Variants in LDB2 observed in about 807,000 individuals in gnomAD.
LDB2 encodes LIM domain binding 2, also known as LIM domain-binding protein 2.
In LDB2, 12 loss-of-function variants were observed where a neutral mutation model predicts 44.3. The ratio of observed to expected loss-of-function variants is 0.27; its 90% CI spans 0.17 to 0.44. The LOEUF (loss-of-function observed/expected upper bound fraction) is 0.44, where lower values mean the gene tolerates loss of function less well. LDB2 is among the 20% of genes least tolerant of loss of function. The pLI, the probability that LDB2 is intolerant of heterozygous loss-of-function variation, is 1.00. For synonymous variants in LDB2, 164 were observed against 174.8 expected, an observed-to-expected ratio of 0.94 and a Z score of 0.49; for missense variants, 344 against 473.5, an observed-to-expected ratio of 0.73 and a Z score of 2.54.
At chr4:16,871,958 C>A (rs11735674) in intron 1 of LDB2, among the ~76,000 whole-genome samples, 31,175 of 152,102 alleles carry the variant, frequency 0.2, 3,815 homozygotes, top group South Asian at 0.4. Context: ...ATGAAAATTA[C>A]ATTTGGGCTA....
At chr4:16,546,964 T>A (rs1735986731) in intron 5 of LDB2, among the ~76,000 whole-genome samples, 1 of 152,202 alleles carries the variant, frequency 6.6e-6, no homozygotes, top group Admixed American at 6.5e-5. Flanking sequence ...TTGTCCATTG[T>A]GGTGGGTTGA....
At chr4:16,853,357 A>G (rs1788656897) in intron 1 of LDB2, among the ~76,000 whole-genome samples, 2 of 152,198 alleles carry the variant, frequency 1.3e-5, no homozygotes, top group Admixed American at 1.3e-4. Context: ...AGAGACACAA[A>G]AATGGTCAAT....
intron 2 of LDB2, among the ~76,000 whole-genome samples, chr4:16,732,811 G>T (rs181311388): frequency 6.6e-6 from 1 of 152,196 alleles, no homozygotes; most frequent in Non-Finnish European, 1.5e-5. Context: ...TCTGAAAAGA[G>T]TTTTGGCAAC....
At chr4:16,816,272 C>A (rs1415782288) in intron 1 of LDB2, among the ~76,000 whole-genome samples, 1 of 152,100 alleles carries the variant, frequency 6.6e-6, no homozygotes, top group Non-Finnish European at 1.5e-5. Context: ...GTGTGGATAT[C>A]CATGGTATTA....
intron 5 of LDB2, among the ~76,000 whole-genome samples, chr4:16,548,055 T>TGAGAA (rs1736386101): frequency 6.6e-6 from 1 of 151,778 alleles, no homozygotes; most frequent in Non-Finnish European, 1.5e-5. Flanking sequence ...GCCTCCCAGG[T>TGAGAA]TCAAGGGATT....
intron 1 of LDB2, among the ~76,000 whole-genome samples, chr4:16,808,590 A>C (rs1779216365): frequency 6.6e-6 from 1 of 152,170 alleles, no homozygotes; most frequent in Non-Finnish European, 1.5e-5. Flanking sequence ...CAAAGGAGAG[A>C]CTTGAGACAG....
intron 2 of LDB2, among the ~76,000 whole-genome samples, chr4:16,753,318 C>T (rs1430976454): frequency 2.0e-5 from 3 of 152,100 alleles, no homozygotes; most frequent in East Asian, 1.9e-4. Flanking sequence ...AAACAGAAAC[C>T]GGAGATAGTG....
chr4:16,848,399 T>C (rs1787519532), intron 1 of LDB2, among the ~76,000 whole-genome samples: 1 of 152,234 alleles, frequency 6.6e-6, no homozygotes, highest in African/African-American at 2.4e-5. Context: ...ATCTTGAGTA[T>C]TCACATATTT....
chr4:16,544,984 AGAGAACAGCGAGTGAGGATAGGGAG>A (rs1175991369), intron 5 of LDB2, among the ~76,000 whole-genome samples: 4 of 152,166 alleles, frequency 2.6e-5, no homozygotes, highest in Non-Finnish European at 5.9e-5. Flanking sequence ...AGAGATGGAG[AGAGAACAGCGAGTGAGGATAGGGAG>A]GAGAACCAAG....
At chr4:16,531,978 TA>T (rs1730293373) in intron 5 of LDB2, among the ~76,000 whole-genome samples, 1 of 151,712 alleles carries the variant, frequency 6.6e-6, no homozygotes, top group Non-Finnish European at 1.5e-5. Flanking sequence ...CATTTAAGGA[TA>T]AAACCCTCTA....
chr4:16,565,282 G>T (rs1158766955), intron 5 of LDB2, among the ~76,000 whole-genome samples: 1 of 152,134 alleles, frequency 6.6e-6, no homozygotes, highest in African/African-American at 2.4e-5. Context: ...TAAATGAGTT[G>T]ATGCATGTAA....
At chr4:16,827,709 A>G (rs1783314533) in intron 1 of LDB2, among the ~76,000 whole-genome samples, 1 of 152,202 alleles carries the variant, frequency 6.6e-6, no homozygotes, top group East Asian at 1.9e-4. Context: ...CAAGATCAAC[A>G]TGATCTTGCT....
chr4:16,587,862 G>C (rs1717563670), intron 4 of LDB2, among the ~76,000 whole-genome samples: 1 of 152,086 alleles, frequency 6.6e-6, no homozygotes, highest in Non-Finnish European at 1.5e-5. Flanking sequence ...TGACTGTGAG[G>C]ATTCAATATC....
rs112020024 is a variant in LDB2 at position 16,588,591 on chromosome 4, A to G, written c.531+119T>C. On this transcript the variant is annotated intron_variant, in intron 4 of 7. Coordinates refer to ENST00000304523, the MANE Select transcript of LDB2 (RefSeq NM_001290.5). ...CAAAACTCAATATTTAGAGTTAATT[A>G]CCTAAAGCGTGACAACTACTGGAAT... is the stretch of plus-strand genomic sequence containing the variant. 1,398 of 1,004,438 alleles carry G rather than the reference A, an allele frequency of 1.4e-3. 9 individuals are homozygous for G. The highest frequency in any genetic ancestry group is 0.013 in the African/African-American group (795 of 61,518). The allele number at this position is 1,004,438 out of a possible 1,614,324, so 62.2% of individuals were successfully genotyped here. A position where few individuals can be genotyped will look rare whatever the true frequency, so the allele number is the denominator to read the frequency against.
intron 2 of LDB2, among the ~76,000 whole-genome samples, chr4:16,608,853 G>A (rs760994743): frequency 4.6e-5 from 7 of 152,148 alleles, no homozygotes; most frequent in Non-Finnish European, 1.0e-4. Context: ...CGAGTCAGGA[G>A]CAGGGCTGCT....
intron 3 of LDB2, among the ~76,000 whole-genome samples, chr4:16,590,783 C>T (rs2152432493): frequency 6.6e-6 from 1 of 152,300 alleles, no homozygotes; most frequent in South Asian, 2.1e-4. Context: ...GCCTCAAAAC[C>T]CCTTGGCTGT....
intron 2 of LDB2, among the ~76,000 whole-genome samples, chr4:16,622,758 G>A (rs539685238): frequency 6.6e-5 from 10 of 152,170 alleles, no homozygotes; most frequent in Non-Finnish European, 1.5e-4. Context: ...TCGCTCTAGC[G>A]TAGAGTGAAA....
chr4:16,764,639 G>C (rs1328123624), intron 1 of LDB2, among the ~76,000 whole-genome samples: 1 of 152,036 alleles, frequency 6.6e-6, no homozygotes, highest in Non-Finnish European at 1.5e-5. Flanking sequence ...GGAAGAAAAA[G>C]AGACCATGGT....
chr4:16,708,482 C>G (rs993152824), intron 2 of LDB2, among the ~76,000 whole-genome samples: 2 of 152,210 alleles, frequency 1.3e-5, no homozygotes, highest in African/African-American at 4.8e-5. Flanking sequence ...CTCTTCCCCT[C>G]TCCTCCTCAT....
Sources: allele counts gnomAD v4.1 joint callset (sites outside exome capture counted in the v4.1 genomes callset), GRCh38; gene constraint gnomAD v4.1.1; transcripts MANE v1.5; gene names NCBI Gene and HGNC (gene_info 2026-07-23, HGNC 2026-07-21).